ADAMTS17: variants seen among roughly 807,000 people sequenced by gnomAD.
ADAMTS17 encodes ADAM metallopeptidase with thrombospondin type 1 motif 17, also known as A disintegrin and metalloproteinase with thrombospondin motifs 17.
In ADAMTS17, 113 loss-of-function variants were observed where a neutral mutation model predicts 141.5. The observed-to-expected ratio is 0.80, with a 90% CI of 0.69 to 0.93. The LOEUF is 0.93. Ranked by LOEUF, ADAMTS17 falls within the 40% of genes least tolerant of loss-of-function variation. ADAMTS17 has a pLI of 0.00. For missense variants in ADAMTS17, 1,659 were observed against 1,517.9 expected, an observed-to-expected ratio of 1.09 and a Z score of -1.54; for synonymous variants, 768 against 630.6, an observed-to-expected ratio of 1.22 and a Z score of -3.27.
At chr15:100,113,661 T>G (rs993015893) in intron 13 of ADAMTS17, among the ~76,000 whole-genome samples, 1 of 152,214 alleles carries the variant, frequency 6.6e-6, no homozygotes, top group South Asian at 2.1e-4. Flanking sequence ...GGGTTGTGAC[T>G]ACCAAATGCA....
chr15:100,011,428 G>A (rs1340488684), intron 18 of ADAMTS17, among the ~76,000 whole-genome samples: 1 of 121,704 alleles, frequency 8.2e-6, no homozygotes, highest in Non-Finnish European at 1.7e-5. Context: ...AGAAAGGGAG[G>A]AATGAGGAAA....
At chr15:100,278,627 G>A (rs1170078731) in intron 4 of ADAMTS17, among the ~76,000 whole-genome samples, 1 of 152,172 alleles carries the variant, frequency 6.6e-6, no homozygotes, top group African/African-American at 2.4e-5. Context: ...GGGGTGAGGG[G>A]CATGGCGGAG....
chr15:100,277,822 C>G (rs866525989), intron 4 of ADAMTS17, among the ~76,000 whole-genome samples: 1 of 152,208 alleles, frequency 6.6e-6, no homozygotes, highest in Admixed American at 6.5e-5. Flanking sequence ...GGGACTTGAA[C>G]AGAGATTTGC....
rs181777362 is a variant in ADAMTS17, at chr15:100,305,693, G to C, written c.617-24292C>G. ...ACCGGATATGTTATCTTATCGTGAG[G>C]GTGGTTTTACTGATGCATTCACATG... On this transcript the variant is annotated intron_variant, in intron 3 of 21. Coordinates refer to ENST00000268070, the MANE Select transcript of ADAMTS17 (RefSeq NM_139057.4). Among the ~76,000 whole-genome samples the C allele has an allele frequency of 1.7e-4, 26 of 152,226 alleles. 1 individual carries two copies. Among genetic ancestry groups the C allele is most frequent in the African/African-American group, 5.5e-4 (23 of 41,538 alleles).
intron 4 of ADAMTS17, among the ~76,000 whole-genome samples, chr15:100,264,355 G>A (rs2043636414): frequency 6.6e-6 from 1 of 152,290 alleles, no homozygotes; most frequent in South Asian, 2.1e-4. Flanking sequence ...ATCAGAATTG[G>A]ATCTAAACTG....
At chr15:99,988,964 C>A (rs180850976) in intron 20 of ADAMTS17, among the ~76,000 whole-genome samples, 425 of 152,270 alleles carry the variant, frequency 2.8e-3, no homozygotes, top group African/African-American at 9.7e-3. Context: ...AAGGTATGTA[C>A]AAAAGCAAAA....
At chr15:100,021,314 G>C (rs2061403273) in intron 18 of ADAMTS17, among the ~76,000 whole-genome samples, 1 of 152,118 alleles carries the variant, frequency 6.6e-6, no homozygotes, top group Admixed American at 6.5e-5. Context: ...GCAGGGTTAG[G>C]ATCTGGGCGT....
At chr15:100,328,852 G>A (rs115855895) in intron 3 of ADAMTS17, among the ~76,000 whole-genome samples, 2 of 152,126 alleles carry the variant, frequency 1.3e-5, no homozygotes, top group East Asian at 1.9e-4. Flanking sequence ...TCTGATGAAC[G>A]GTGGCGTGAG....
chr15:100,339,753 G>A (rs2046310804), intron 2 of ADAMTS17, among the ~76,000 whole-genome samples: 1 of 151,992 alleles, frequency 6.6e-6, no homozygotes, highest in African/African-American at 2.4e-5. Flanking sequence ...CACCAAAGTT[G>A]CCTATTTTTC....
chr15:100,277,154 T>A (rs1200656514), intron 4 of ADAMTS17, among the ~76,000 whole-genome samples: 2 of 152,056 alleles, frequency 1.3e-5, no homozygotes, highest in Non-Finnish European at 2.9e-5. Context: ...CACAGTGGGA[T>A]CACCCTTATT....
chr15:100,224,373 G>A (rs2042234518), intron 7 of ADAMTS17, among the ~76,000 whole-genome samples: 1 of 152,162 alleles, frequency 6.6e-6, no homozygotes, highest in South Asian at 2.1e-4. Flanking sequence ...GGAGGCTTTG[G>A]TGGGCGGTAA....
intron 18 of ADAMTS17, among the ~76,000 whole-genome samples, chr15:100,001,984 A>AAAAAAAAAAAAAAAAG (rs1567663734): frequency 4.8e-5 from 4 of 83,940 alleles, no homozygotes; most frequent in Non-Finnish European, 8.3e-5. Flanking sequence ...CTCAAAAAAA[A>AAAAAAAAAAAAAAAAG]GGCCAAACCC....
At chr15:100,307,803 C>A (rs1160361005) in intron 3 of ADAMTS17, among the ~76,000 whole-genome samples, 1 of 152,252 alleles carries the variant, frequency 6.6e-6, no homozygotes. Flanking sequence ...TTCCCACAGA[C>A]CCCCTGCTGG....
chr15:100,072,930 G>C (rs34053089), intron 15 of ADAMTS17, among the ~76,000 whole-genome samples: 6,282 of 151,518 alleles, frequency 0.041, 444 homozygotes, highest in African/African-American at 0.14. Flanking sequence ...CAAAATTAAA[G>C]TATAGGGCTT....
At chr15:100,307,817 C>T (rs1230809546) in intron 3 of ADAMTS17, among the ~76,000 whole-genome samples, 1 of 152,268 alleles carries the variant, frequency 6.6e-6, no homozygotes, top group Non-Finnish European at 1.5e-5. Flanking sequence ...CTGCTGGGAC[C>T]TGCCACCCAC....
At chr15:100,159,346 G>A (rs577880172) in intron 8 of ADAMTS17, among the ~76,000 whole-genome samples, 2 of 152,314 alleles carry the variant, frequency 1.3e-5, no homozygotes, top group African/African-American at 4.8e-5. Context: ...TTTATGTTAG[G>A]TGAAATCAGC....
chr15:100,045,128 A>C (rs1481774575), intron 18 of ADAMTS17, among the ~76,000 whole-genome samples: 2 of 149,112 alleles, frequency 1.3e-5, no homozygotes, highest in Admixed American at 6.6e-5. Context: ...ATTTTTTTAG[A>C]AGCCACATTA....
At chr15:100,024,285 G>A (rs1172579534) in intron 18 of ADAMTS17, among the ~76,000 whole-genome samples, 2 of 152,144 alleles carry the variant, frequency 1.3e-5, no homozygotes, top group African/African-American at 2.4e-5. Flanking sequence ...TTGTAGAGAT[G>A]TTGTCTCATT....
intron 3 of ADAMTS17, among the ~76,000 whole-genome samples, chr15:100,309,148 A>T (rs2045322908): frequency 6.6e-6 from 1 of 152,238 alleles, no homozygotes; most frequent in South Asian, 2.1e-4. Context: ...GATTGAGCCC[A>T]GGAGTTCACG....
Sources: gnomAD v4.1 joint callset for allele counts (sites outside exome capture counted in the v4.1 genomes callset) on GRCh38, gnomAD v4.1.1 for gene constraint, MANE v1.5 for transcripts, NCBI Gene and HGNC (gene_info 2026-07-23, HGNC 2026-07-21) for gene names.